WDR91: variants seen among roughly 807,000 people sequenced by gnomAD.
The protein encoded by WDR91 is WD repeat-containing protein 91.
WDR91 carries 52 observed loss-of-function variants against 88.4 expected under a neutral mutation model. That is an observed-to-expected ratio of 0.59 (90% CI 0.47 to 0.74). WDR91 has a LOEUF of 0.74. WDR91 is among the 30% of genes least tolerant of loss of function. The pLI is 0.00. For missense variants in WDR91, 824 were observed against 954.5 expected, an observed-to-expected ratio of 0.86 and a Z score of 1.80; for synonymous variants, 362 against 389.5, an observed-to-expected ratio of 0.93 and a Z score of 0.83.
intron 3 of WDR91, among the ~76,000 whole-genome samples, chr7:135,207,873 G>C (rs2117721665): frequency 6.6e-6 from 1 of 152,354 alleles, no homozygotes; most frequent in Non-Finnish European, 1.5e-5. Context: ...GCACTGAAAA[G>C]ATCTTGAGTG....
chr7:135,187,048 C>G lies in WDR91; in HGVS notation c.2003G>C (p.Arg668Thr). Residue 668 changes from arginine to threonine, a missense_variant, in exon 14 of 15, where the codon AGG (arginine) becomes ACG (threonine). Transcript: ENST00000354475. ...CGAGTCAAAAGCGAAGAGTCGGCCCCTGGGGACTTGAACCTGCTTGTAGCC... is the reference window on the plus strand; with the variant it reads ...CGAGTCAAAAGCGAAGAGTCGGCCCGTGGGGACTTGAACCTGCTTGTAGCC... ...YSGYKQVQVP[R>T]GRLFAFDSEG... 6.2e-7 allele frequency: 1 copy of G among 1,614,254 alleles called. No homozygotes were observed. Among genetic ancestry groups the G allele is most frequent in the South Asian group, 1.1e-5 (1 of 91,082 alleles).
chr7:135,194,573 C>T (rs555535039), intron 9 of WDR91, among the ~76,000 whole-genome samples: 112 of 152,314 alleles, frequency 7.4e-4, no homozygotes, highest in South Asian at 2.1e-4. Context: ...CCCTCACCAG[C>T]GGAAGCCACT....
intron 3 of WDR91, among the ~76,000 whole-genome samples, chr7:135,208,456 G>C (rs1831888705): frequency 6.6e-6 from 1 of 152,154 alleles, no homozygotes; most frequent in Admixed American, 6.5e-5. Flanking sequence ...TGCACAGAGA[G>C]GGTACTCTCA....
chr7:135,194,289 C>T (rs1831281900), intron 9 of WDR91, among the ~76,000 whole-genome samples: 1 of 152,198 alleles, frequency 6.6e-6, no homozygotes, highest in Non-Finnish European at 1.5e-5. Flanking sequence ...GTGACCTCGG[C>T]ATTCACTTGG....
rs1177188515 is a variant in WDR91, at chr7:135,186,283, G to T, written c.2112C>A (p.Cys704Ter). ...GGGCTCGGTGGCCACCTAGGCTCAA[G>T]CAGCTCTCCAGAACCTTCTCATCGC... ...LGGDEKVLESCLSLGGHRAPV... is the reference protein window; with the variant it reads ...LGGDEKVLES The change falls in exon 15 of 15, where the codon TGC becomes TGA. Residue 704 changes from cysteine to a stop codon, truncating the protein, a stop_gained. Transcript: ENST00000354475. LOFTEE classifies it high-confidence loss of function. 1 of 1,613,142 alleles carries T rather than the reference G, an allele frequency of 6.2e-7. No homozygotes were observed. The highest frequency in any genetic ancestry group is 2.2e-5 in the East Asian group (1 of 44,778).
At chr7:135,201,637 A>G (rs1831574184) in intron 6 of WDR91, 1 of 152,270 alleles carries the variant, frequency 6.6e-6, no homozygotes, top group African/African-American at 2.4e-5. Flanking sequence ...ACAACAAAAT[A>G]CAGCCTATTT....
At position 135,195,051 on chromosome 7, in the gene WDR91, T is replaced by TAC; in HGVS notation, c.1277_1278insGT (p.Asp427Ter). On this transcript the variant is annotated frameshift_variant, in exon 9 of 15. Coordinates refer to ENST00000354475, the MANE Select transcript of WDR91 (RefSeq NM_014149.4). LOFTEE classifies it high-confidence loss of function. ...ACACTTTGATGACCCCATCTACGTC[T>TAC]AAGCTGGCGACTCTCCTCCCAGAGC... The TAC allele has an allele frequency of 6.2e-7, 1 of 1,613,912 alleles. No individual in the cohort carries two copies. The highest frequency in any genetic ancestry group is 2.2e-5 in the East Asian group (1 of 44,876).
At chr7:135,188,621 C>T (rs1831043827) in intron 12 of WDR91, 76 bp from the exon 13 acceptor site, 1 of 1,277,234 alleles carries the variant, frequency 7.8e-7, no homozygotes, top group African/African-American at 1.5e-5. Context: ...CAGGAGGCCC[C>T]CTCACCCTCT....
chr7:135,194,206 A>C (rs1831277717), intron 9 of WDR91, among the ~76,000 whole-genome samples: 4 of 152,208 alleles, frequency 2.6e-5, no homozygotes, highest in Admixed American at 6.5e-5. Context: ...CTTCAAAGAT[A>C]ATAATAGTGC....
chr7:135,210,908 A>G, intron 1 of WDR91: 1 of 703,728 alleles, frequency 1.4e-6, no homozygotes, highest in East Asian at 2.7e-5. Flanking sequence ...CCACAACTGC[A>G]GAAGCAAAAT....
chr7:135,194,913 C>T (rs757995819), intron 9 of WDR91, 21 bp downstream of exon 9: 1 of 1,613,166 alleles, frequency 6.2e-7, no homozygotes, highest in Non-Finnish European at 8.5e-7. Flanking sequence ...AAAGCGGGCC[C>T]CACAGGCCAC....
At chr7:135,193,189 T>C in intron 11 of WDR91, 42 bp downstream of exon 11, 1 of 1,604,190 alleles carries the variant, frequency 6.2e-7, no homozygotes, top group South Asian at 1.1e-5. Flanking sequence ...GAATACAGAG[T>C]GTGTGCCTGG....
rs1270037886 is a variant in WDR91, at chr7:135,198,023, C to T, written c.1020G>A (p.Arg340=). 2 of 1,614,196 alleles carry T rather than the reference C, an allele frequency of 1.2e-6. No individual in the cohort carries two copies. The highest frequency in any genetic ancestry group is 8.5e-7 in the Non-Finnish European group (1 of 1,180,024). The change falls in exon 7 of 15, where the codon AGG becomes AGA. Residue 340 remains arginine (R), a synonymous_variant. Coordinates refer to ENST00000354475, the MANE Select transcript of WDR91 (RefSeq NM_014149.4). ...AAGTGGTTGTGGAGAAAAGCTCCTT[C>T]CTCTCCTTGCCATGGTCCTGCAGGC... ...QRRLQDHGKE[R]KELFSTTTSQ...
At position 135,184,228 on chromosome 7, in the gene WDR91, C is replaced by G. The variant is rs1208550393; in HGVS notation, c.*1923G>C. 1 of 152,130 alleles carries G rather than the reference C, an allele frequency of 6.6e-6. No homozygotes were observed. The highest frequency in any genetic ancestry group is 2.4e-5 in the African/African-American group (1 of 41,432). 9.4% of individuals were successfully genotyped at this position (152,130 alleles called of 1,614,324 possible). A position where few individuals can be genotyped will look rare whatever the true frequency, so the allele number is the denominator to read the frequency against. ...TATTTACTACTGTCTCTGGTGTTTTCTCATAATCAAGCCACTTAAATACCT... is the reference window on the plus strand; with the variant it reads ...TATTTACTACTGTCTCTGGTGTTTTGTCATAATCAAGCCACTTAAATACCT... On this transcript the variant is annotated 3_prime_UTR_variant, in exon 15 of 15. Transcript: ENST00000354475.
At chr7:135,209,452 G>A in intron 2 of WDR91, 124 bp downstream of exon 2, 1 of 940,724 alleles carries the variant, frequency 1.1e-6, no homozygotes. Flanking sequence ...TAATTGCACT[G>A]TAACTGCTGC....
At chr7:135,200,627 C>A (rs1010356210) in intron 6 of WDR91, among the ~76,000 whole-genome samples, 2 of 152,190 alleles carry the variant, frequency 1.3e-5, no homozygotes, top group Non-Finnish European at 2.9e-5. Flanking sequence ...AGTTTTATTT[C>A]ATTTTAAGTG....
chr7:135,189,197 G>A, intron 12 of WDR91, 147 bp downstream of exon 12: 1 of 634,016 alleles, frequency 1.6e-6, no homozygotes, highest in South Asian at 2.1e-5. Context: ...TGAAAACGTT[G>A]ACCAAAGTTA....
At chr7:135,203,967 A>G (rs1266352445) in intron 6 of WDR91, among the ~76,000 whole-genome samples, 5 of 152,238 alleles carry the variant, frequency 3.3e-5, no homozygotes, top group Admixed American at 3.3e-4. Flanking sequence ...CAGTCTAGCC[A>G]GAGGTGAAGA....
chr7:135,186,944 C>T, intron 14 of WDR91, 28 bp downstream of exon 14: 1 of 1,612,460 alleles, frequency 6.2e-7, no homozygotes, highest in African/African-American at 1.3e-5. Flanking sequence ...CACAATACCA[C>T]TACCTCCCAC....
Sources: allele counts gnomAD v4.1 joint callset (sites outside exome capture counted in the v4.1 genomes callset), GRCh38; gene constraint gnomAD v4.1.1; transcripts MANE v1.5; gene names NCBI Gene and HGNC (gene_info 2026-07-23, HGNC 2026-07-21).